The following RFTN1 variants were observed in gnomAD, a reference collection of about 807,000 sequenced individuals.
RFTN1 encodes the protein raftlin.
Under a neutral mutation model 46.5 loss-of-function variants are expected in RFTN1, and 26 were observed. The ratio of observed to expected loss-of-function variants is 0.56; its 90% CI spans 0.41 to 0.78. RFTN1 has a LOEUF of 0.78. Among genes scored for constraint, RFTN1 ranks in the 30% least tolerant of loss-of-function variants. The pLI is 0.00. For missense variants in RFTN1, 693 were observed against 718.7 expected, an observed-to-expected ratio of 0.96 and a Z score of 0.41; for synonymous variants, 261 against 284.2, an observed-to-expected ratio of 0.92 and a Z score of 0.82.
At chr3:16,372,289 G>A (rs537332484) in intron 5 of RFTN1, among the ~76,000 whole-genome samples, 4 of 152,310 alleles carry the variant, frequency 2.6e-5, no homozygotes, top group Non-Finnish European at 5.9e-5. Context: ...CTGAGACACT[G>A]TGTAAAACAC....
rs1407318466 is a variant in RFTN1, at chr3:16,440,491, C to A, written c.146-6454G>T. ...GCTGCAGTGCAAAGGACAATTCTCT[C>A]CTGGCTTCTCCCCTACCTGGGCAGG... On this transcript the variant is annotated intron_variant, in intron 2 of 9. Transcript: ENST00000334133. This position sits in a 1 kb window ranked among gnomAD's most constrained non-coding sequence, Gnocchi z 4.6. Among the ~76,000 whole-genome samples, 1 of 152,184 alleles carries A rather than the reference C, an allele frequency of 6.6e-6. No homozygotes were observed. Among genetic ancestry groups the A allele is most frequent in the Admixed American group, 6.5e-5 (1 of 15,286 alleles).
rs1169769298 is a variant in RFTN1 at position 16,374,855 on chromosome 3, C to T, written c.826+2863G>A. ...AGCAGGAAGAGGAACCCACGGCGGGCCTCCCCAAGAACCTGCAGGGGCAAG... is the reference window on the plus strand; with the variant it reads ...AGCAGGAAGAGGAACCCACGGCGGGTCTCCCCAAGAACCTGCAGGGGCAAG... On this transcript the variant is annotated intron_variant, in intron 5 of 9. Transcript: ENST00000334133. This position sits in a 1 kb window ranked among gnomAD's most constrained non-coding sequence, Gnocchi z 5.4. Among the ~76,000 whole-genome samples, 1 of 152,146 alleles carries T rather than the reference C, an allele frequency of 6.6e-6. No individual in the cohort carries two copies. Among genetic ancestry groups the T allele is most frequent in the Non-Finnish European group, 1.5e-5 (1 of 68,020 alleles).
intron 4 of RFTN1, among the ~76,000 whole-genome samples, chr3:16,406,519 G>C (rs1385353051): frequency 2.0e-5 from 3 of 152,190 alleles, no homozygotes; most frequent in African/African-American, 7.2e-5. Flanking sequence ...CTGCGGGTCA[G>C]AAATCTCACT....
intron 6 of RFTN1, among the ~76,000 whole-genome samples, chr3:16,358,435 TTTTTTC>T (rs913461514): frequency 2.0e-5 from 3 of 150,706 alleles, no homozygotes; most frequent in South Asian, 2.1e-4. Context: ...TGAGGGTTTT[TTTTTTC>T]TTTTTTCTTT....
chr3:16,372,439 G>T (rs1039411355), intron 5 of RFTN1, among the ~76,000 whole-genome samples: 1 of 152,086 alleles, frequency 6.6e-6, no homozygotes, highest in African/African-American at 2.4e-5. Flanking sequence ...CGGTGGGCTC[G>T]GCCAGAGCTG....
intron 9 of RFTN1, among the ~76,000 whole-genome samples, chr3:16,319,943 C>A (rs186306390): frequency 1.3e-5 from 2 of 151,946 alleles, no homozygotes; most frequent in African/African-American, 4.9e-5. Flanking sequence ...ACCAGCAAGC[C>A]GCAGATAAAA....
Position 16,433,161 on chromosome 3 carries a change from C to T in RFTN1, c.332+690G>A, listed in dbSNP as rs9813507. On this transcript the variant is annotated intron_variant, in intron 3 of 9. Transcript: ENST00000334133. This position sits in a 1 kb window ranked among gnomAD's most constrained non-coding sequence, Gnocchi z 4.4. ...AGGAAAAACATACTGCTCTCTCCAT[C>T]CCATCCTCACTGTTTTTTTTTTTTA... Among the ~76,000 whole-genome samples, 1 of 143,102 alleles carries T rather than the reference C, an allele frequency of 7.0e-6. No homozygotes were observed. The highest frequency in any genetic ancestry group is 7.1e-5 in the Admixed American group (1 of 14,120). 93.9% of individuals were successfully genotyped at this position (143,102 alleles called of 152,430 possible).
rs1248748819 is a variant in RFTN1 at position 16,424,634 on chromosome 3, T to C, written c.332+9217A>G. ...ATGATAGGAAGTGAATGAAATGATG[T>C]ATTCATATTTATAGCATATTTATCA... On this transcript the variant is annotated intron_variant, in intron 3 of 9. Transcript: ENST00000334133. This position sits in a 1 kb window ranked among gnomAD's most constrained non-coding sequence, Gnocchi z 4.7. 6.6e-6 allele frequency among the ~76,000 whole-genome samples: 1 copy of C among 152,234 alleles called. No individual in the cohort carries two copies. Among genetic ancestry groups the C allele is most frequent in the Non-Finnish European group, 1.5e-5 (1 of 68,032 alleles).
At chr3:16,333,539 G>A (rs2070533717) in intron 7 of RFTN1, among the ~76,000 whole-genome samples, 1 of 152,182 alleles carries the variant, frequency 6.6e-6, no homozygotes, top group Admixed American at 6.5e-5. Flanking sequence ...ATAGATGCCT[G>A]TGTCCAATCC....
intron 4 of RFTN1, among the ~76,000 whole-genome samples, chr3:16,408,137 T>C (rs1008405366): frequency 3.9e-5 from 6 of 152,130 alleles, no homozygotes; most frequent in Non-Finnish European, 5.9e-5. Context: ...TGACGTTCTT[T>C]TGATTCCCCT....
Position 16,410,693 on chromosome 3 carries a change from A to G in RFTN1, c.333-1210T>C, listed in dbSNP as rs746295150. Among the ~76,000 whole-genome samples, 1 of 152,124 alleles carries G rather than the reference A, an allele frequency of 6.6e-6. No homozygotes were observed. The highest frequency in any genetic ancestry group is 1.5e-5 in the Non-Finnish European group (1 of 68,022). On this transcript the variant is annotated intron_variant, in intron 3 of 9. Transcript: ENST00000334133. This position sits in a 1 kb window ranked among gnomAD's most constrained non-coding sequence, Gnocchi z 4.6. ...GTGAAGGCCTGTAGTCTTGCTGTCA[A>G]AGGAGAGGCTTCCTAGCGCACCCTG...
rs1225462819 is a variant in RFTN1 at position 16,377,762 on chromosome 3, G to A, written c.782C>T (p.Pro261Leu). ...ATGCACCTCCAAGGGGTTGCTCTCC[G>A]GTCCATCCAGTGTCTTGCTCACCCC... is the stretch of plus-strand genomic sequence containing the variant. ...PQGVSKTLDG[P>L]ESNPLEVHEE... The change falls in exon 5 of 10, where the codon CCG becomes CTG. Residue 261 changes from proline to leucine, a missense_variant. By Grantham distance (98) the Pro-to-Leu change is moderately conservative (BLOSUM62 -3). Coordinates refer to ENST00000334133, the MANE Select transcript of RFTN1 (RefSeq NM_015150.2). 11 of 1,611,538 alleles carry A rather than the reference G, an allele frequency of 6.8e-6. No homozygotes were observed. Among genetic ancestry groups the A allele is most frequent in the South Asian group, 1.1e-5 (1 of 90,976 alleles).
At chr3:16,478,804 G>T (rs938864481) in intron 2 of RFTN1, among the ~76,000 whole-genome samples, 1 of 152,236 alleles carries the variant, frequency 6.6e-6, no homozygotes, top group Non-Finnish European at 1.5e-5. Flanking sequence ...TTCACAGGAA[G>T]CCTCCCTCAG....
At chr3:16,392,719 C>T (rs1484606895) in intron 4 of RFTN1, among the ~76,000 whole-genome samples, 1 of 151,672 alleles carries the variant, frequency 6.6e-6, no homozygotes, top group East Asian at 1.9e-4. Context: ...TGGAAATTTT[C>T]CTGGTGATAA....
intron 5 of RFTN1, among the ~76,000 whole-genome samples, chr3:16,375,928 G>C (rs1005754318): frequency 6.6e-6 from 1 of 152,164 alleles, no homozygotes; most frequent in African/African-American, 2.4e-5. Flanking sequence ...GGAGATTCTG[G>C]GTGAGGAAGG....
At chr3:16,438,667 A>G (rs1048235750) in intron 2 of RFTN1, among the ~76,000 whole-genome samples, 1 of 148,406 alleles carries the variant, frequency 6.7e-6, no homozygotes, top group Non-Finnish European at 1.5e-5. Flanking sequence ...TGCTAACCCC[A>G]GTCATGTGAA....
intron 2 of RFTN1, among the ~76,000 whole-genome samples, chr3:16,486,085 C>T (rs1339434005): frequency 6.6e-6 from 1 of 152,144 alleles, no homozygotes; most frequent in African/African-American, 2.4e-5. Context: ...GCCCAGCACA[C>T]CCACCTCCTC....
At chr3:16,366,030 G>T (rs2073146064) in intron 6 of RFTN1, among the ~76,000 whole-genome samples, 1 of 152,228 alleles carries the variant, frequency 6.6e-6, no homozygotes, top group Non-Finnish European at 1.5e-5. Context: ...GAAAGGGCAA[G>T]CACAGGCCAA....
At position 16,433,721 on chromosome 3, in the gene RFTN1, G is replaced by T; in HGVS notation, c.332+130C>A. 1 of 910,082 alleles carries T rather than the reference G, an allele frequency of 1.1e-6. No homozygotes were observed. The highest frequency in any genetic ancestry group is 1.8e-6 in the Non-Finnish European group (1 of 567,548). The allele number at this position is 910,082 out of a possible 1,614,324, so 56.4% of individuals were successfully genotyped here. ...GGTTGTCTAACTGTTTGCCTCACCT[G>T]TCTGAGGGCTGAGGCCCTGAGGACA... On this transcript the variant is annotated intron_variant, in intron 3 of 9. Coordinates refer to ENST00000334133, the MANE Select transcript of RFTN1 (RefSeq NM_015150.2). This position sits in a 1 kb window ranked among gnomAD's most constrained non-coding sequence, Gnocchi z 4.4.
Sources: gnomAD v4.1 joint callset for allele counts (sites outside exome capture counted in the v4.1 genomes callset) on GRCh38, gnomAD v4.1.1 for gene constraint, Gnocchi (gnomAD v3.1) non-coding constraint, MANE v1.5 for transcripts, NCBI Gene and HGNC (gene_info 2026-07-23, HGNC 2026-07-21) for gene names.